Variants in MYO5B observed in about 807,000 individuals in gnomAD.
MYO5B encodes unconventional myosin-Vb.
MYO5B carries 143 observed loss-of-function variants against 229.3 expected under a neutral mutation model. That is an observed-to-expected ratio of 0.62 (90% CI 0.54 to 0.72). MYO5B has a LOEUF of 0.72. MYO5B is among the 30% of genes least tolerant of loss of function. MYO5B has a pLI of 0.00. For synonymous variants in MYO5B, 918 were observed against 885.2 expected, an observed-to-expected ratio of 1.04 and a Z score of -0.66; for missense variants, 2,321 against 2,331.0, an observed-to-expected ratio of 1.00 and a Z score of 0.09.
chr18:49,866,125 T>C (rs1221682158), intron 27 of MYO5B, among the ~76,000 whole-genome samples: 1 of 152,144 alleles, frequency 6.6e-6, no homozygotes, highest in African/African-American at 2.4e-5. Flanking sequence ...CTGGAGTGCA[T>C]TGGCGTGATC....
intron 4 of MYO5B, among the ~76,000 whole-genome samples, chr18:50,005,480 A>G (rs557643951): frequency 5.8e-4 from 88 of 152,326 alleles, no homozygotes; most frequent in African/African-American, 2.0e-3. Flanking sequence ...GCACAATCAC[A>G]GCTCACTGCA....
At chr18:49,830,765 G>A (rs575788794) in intron 39 of MYO5B, among the ~76,000 whole-genome samples, 39 of 150,946 alleles carry the variant, frequency 2.6e-4, no homozygotes, top group African/African-American at 4.4e-4. Context: ...CCTGGGAGGC[G>A]GAGGTTGCAG....
chr18:49,977,843 C>T (rs1295361252), intron 9 of MYO5B, among the ~76,000 whole-genome samples: 1 of 152,186 alleles, frequency 6.6e-6, no homozygotes, highest in African/African-American at 2.4e-5. Context: ...AAAACCTTTC[C>T]ACACAGGGCT....
At chr18:49,854,263 C>G (rs962200451) in intron 30 of MYO5B, among the ~76,000 whole-genome samples, 1 of 152,142 alleles carries the variant, frequency 6.6e-6, no homozygotes, top group Non-Finnish European at 1.5e-5. Flanking sequence ...AGACTATTTG[C>G]AAATGATCTT....
chr18:49,870,997 T>C (rs77367228), intron 27 of MYO5B, among the ~76,000 whole-genome samples: 2,582 of 152,322 alleles, frequency 0.017, 75 homozygotes, highest in South Asian at 0.13. Flanking sequence ...TGTATATCCA[T>C]GTTCAGTACA....
intron 39 of MYO5B, among the ~76,000 whole-genome samples, chr18:49,828,225 A>G (rs2023869788): frequency 6.6e-6 from 1 of 152,236 alleles, no homozygotes; most frequent in South Asian, 2.1e-4. Flanking sequence ...CATGGAGGCT[A>G]GGAGGCAGTG....
intron 17 of MYO5B, among the ~76,000 whole-genome samples, chr18:49,918,481 GTCA>G (rs2025040349): frequency 6.6e-6 from 1 of 152,222 alleles, no homozygotes; most frequent in Admixed American, 6.5e-5. Flanking sequence ...AGCTCTTCCG[GTCA>G]GAATTAGGTG....
intron 1 of MYO5B, among the ~76,000 whole-genome samples, chr18:50,193,304 C>T (rs1170394553): frequency 6.6e-6 from 1 of 152,248 alleles, no homozygotes; most frequent in East Asian, 1.9e-4. Context: ...GGCCGTCGCC[C>T]ATCCCTGATC....
chr18:49,893,940 C>G (rs1374474167), intron 22 of MYO5B, among the ~76,000 whole-genome samples: 1 of 152,250 alleles, frequency 6.6e-6, no homozygotes, highest in Non-Finnish European at 1.5e-5. Flanking sequence ...AACACAATCT[C>G]ATGGTGGCAG....
In MYO5B at chr18:50,115,865, T is replaced by C. The variant is rs535821438; in HGVS notation, c.28-60487A>G. Among the ~76,000 whole-genome samples the C allele has an allele frequency of 2.2e-4, 33 of 152,328 alleles. 1 individual carries two copies. In the South Asian group the frequency reaches 6.8e-3, roughly 32 times the overall value. ...AGGTAAAGTTCTGGATTTTTTTCAT[T>C]GTTTAAAAAGGTAGCTGTTAATGGC... On this transcript the variant is annotated intron_variant, in intron 1 of 39. Transcript: ENST00000285039.
chr18:50,074,643 A>G (rs551860036), intron 1 of MYO5B, among the ~76,000 whole-genome samples: 2 of 152,162 alleles, frequency 1.3e-5, no homozygotes, highest in Non-Finnish European at 2.9e-5. Flanking sequence ...CTCAGTTGAA[A>G]CATCGCCTTC....
chr18:49,877,041 C>T (rs2024531728), intron 25 of MYO5B, among the ~76,000 whole-genome samples: 1 of 152,246 alleles, frequency 6.6e-6, no homozygotes, highest in Non-Finnish European at 1.5e-5. Flanking sequence ...AGATCCTGCA[C>T]AAAGAACTGC....
intron 10 of MYO5B, among the ~76,000 whole-genome samples, chr18:49,972,069 G>A (rs2025698148): frequency 6.6e-6 from 1 of 152,144 alleles, no homozygotes; most frequent in African/African-American, 2.4e-5. Flanking sequence ...TAGTCTCAAA[G>A]GAGCCCGGAA....
At chr18:50,043,628 AAATAT>A (rs985977931) in intron 2 of MYO5B, among the ~76,000 whole-genome samples, 6 of 135,736 alleles carry the variant, frequency 4.4e-5, no homozygotes, top group African/African-American at 1.6e-4. Flanking sequence ...ATAAATATAT[AAATAT>A]ATTAAATATA....
At chr18:49,835,256 A>T in intron 39 of MYO5B, 88 bp downstream of exon 39, 1 of 929,376 alleles carries the variant, frequency 1.1e-6, no homozygotes, top group South Asian at 1.3e-5. Flanking sequence ...TATTTTAGTA[A>T]TAAAGAGAAG....
intron 1 of MYO5B, among the ~76,000 whole-genome samples, chr18:50,073,167 A>G (rs570664251): frequency 6.6e-6 from 1 of 152,340 alleles, no homozygotes; most frequent in Non-Finnish European, 1.5e-5. Context: ...AATTGCTATC[A>G]TTGCTATTCT....
intron 1 of MYO5B, among the ~76,000 whole-genome samples, chr18:50,144,012 G>A (rs1010801383): frequency 2.0e-5 from 3 of 152,156 alleles, no homozygotes; most frequent in Non-Finnish European, 4.4e-5. Context: ...TGGTGAGGAA[G>A]CTGGTGAGGC....
At chr18:49,962,473 G>C in intron 11 of MYO5B, 67 bp from the exon 12 acceptor site, 1 of 1,603,842 alleles carries the variant, frequency 6.2e-7, no homozygotes, top group South Asian at 1.1e-5. Flanking sequence ...TCCCCCAGGG[G>C]CTCAGTGAGT....
In MYO5B at chr18:50,013,288, G is replaced by A. The variant is rs142139108; in HGVS notation, c.456-11877C>T. On this transcript the variant is annotated intron_variant, in intron 4 of 39. Coordinates refer to ENST00000285039, the MANE Select transcript of MYO5B (RefSeq NM_001080467.3). The stretch of plus-strand genomic sequence containing the variant: ...CTACCCACTTTTTTCAGCCACACCA[G>A]TCTTGGAGTGGTAACATCTGGGAAA... 1.2e-4 allele frequency among the ~76,000 whole-genome samples: 19 copies of A among 152,328 alleles called. No homozygotes were observed. The East Asian group carries it at 3.7e-3, about 29-fold the overall frequency.
Sources: gnomAD v4.1 joint callset for allele counts (sites outside exome capture counted in the v4.1 genomes callset) on GRCh38, gnomAD v4.1.1 for gene constraint, MANE v1.5 for transcripts, NCBI Gene and HGNC (gene_info 2026-07-23, HGNC 2026-07-21) for gene names.